CCNB3: variants seen among roughly 807,000 people sequenced by gnomAD.
CCNB3 encodes the protein cyclin B3.
A neutral mutation model predicts 68.0 loss-of-function variants in CCNB3; 12 were observed. The ratio of observed to expected loss-of-function variants is 0.18; its 90% confidence interval spans 0.11 to 0.29. CCNB3 has a LOEUF of 0.29. Among genes scored for constraint, CCNB3 ranks in the 10% least tolerant of loss-of-function variants. The probability of loss-of-function intolerance (pLI) is 1.00; values close to 1 mark genes in which losing one functional copy is unlikely to be tolerated. For synonymous variants in CCNB3, 354 were observed against 388.9 expected, an observed-to-expected ratio of 0.91 and a Z score of 1.06; for missense variants, 904 against 993.1, an observed-to-expected ratio of 0.91 and a Z score of 1.21.
At position 50,310,994 on chromosome X, in the gene CCNB3, A is replaced by T. The variant is rs994400598; in HGVS notation, c.2825A>T (p.Glu942Val). ...ALNEKPTTGK[E>V]LSFKEPLALQ... ...AATGAGAAACCCACCACTGGGAAGG[A>T]GTTGTCCTTCAAGGAGCCATTAGCC... The change falls in exon 6 of 13, where the codon GAG becomes GTG. Residue 942 changes from glutamate (E) to valine (V), a missense_variant. By Grantham distance (121) the Glu-to-Val change is moderately radical. Transcript: ENST00000376042. 5 of 1,209,951 alleles carry T rather than the reference A, an allele frequency of 4.1e-6. No homozygotes were observed. The highest frequency in any genetic ancestry group is 5.6e-6 in the Non-Finnish European group (5 of 895,213).
At chrX:50,327,937 A>C (rs1922380025) in intron 8 of CCNB3, among the ~76,000 whole-genome samples, 1 of 112,252 alleles carries the variant, frequency 8.9e-6, no homozygotes, top group Non-Finnish European at 1.9e-5. Flanking sequence ...AGGATACTTA[A>C]ATATAGAAAA....
intron 1 of CCNB3, among the ~76,000 whole-genome samples, chrX:50,215,236 G>A (rs1294881842): frequency 9.1e-6 from 1 of 109,938 alleles, no homozygotes; most frequent in Non-Finnish European, 1.9e-5. Context: ...TGATCCACCC[G>A]CCTCGGCCTC....
At chrX:50,228,659 A>G (rs1223185895) in intron 1 of CCNB3, among the ~76,000 whole-genome samples, 2 of 69,263 alleles carry the variant, frequency 2.9e-5, no homozygotes, top group South Asian at 7.3e-4. Flanking sequence ...TAGAATATAT[A>G]GAATATATAT....
rs782745549 is a variant in CCNB3 at position 50,308,571 on chromosome X, A to G, written c.402A>G (p.Pro134=). Residue 134 remains proline, a synonymous_variant, in exon 6 of 13, where the codon CCA becomes CCG. Coordinates refer to ENST00000376042, the MANE Select transcript of CCNB3 (RefSeq NM_033031.3). Reference sequence around the variant, plus strand: ...TGGTACCAAACATTATGGAGAAACCACTCATTCTAGACATATCCACCACCT... The same window carrying G: ...TGGTACCAAACATTATGGAGAAACCGCTCATTCTAGACATATCCACCACCT... ...TTVVPNIMEK[P]LILDISTTSK... 7 of 1,207,706 alleles carry G rather than the reference A, an allele frequency of 5.8e-6. No individual in the cohort carries two copies. The highest frequency in any genetic ancestry group is 1.8e-5 in the African/African-American group (1 of 57,022).
chrX:50,351,153 G>C, intron 11 of CCNB3, 88 bp from the exon 12 acceptor site: 1 of 1,031,632 alleles, frequency 9.7e-7, no homozygotes, highest in African/African-American at 1.9e-5. Context: ...TTTAAACCAT[G>C]TGTGGGAAGC....
intron 1 of CCNB3, among the ~76,000 whole-genome samples, chrX:50,213,069 C>A (rs1204098774): frequency 4.5e-5 from 5 of 111,910 alleles, no homozygotes; most frequent in Non-Finnish European, 9.4e-5. Flanking sequence ...CAAAGGCCAA[C>A]CTTTGTAAGC....
chrX:50,226,375 A>C (rs1315962672), intron 1 of CCNB3, among the ~76,000 whole-genome samples: 14 of 25,591 alleles, frequency 5.5e-4, no homozygotes, highest in African/African-American at 2.0e-3. Flanking sequence ...AATATATATA[A>C]AAATATATAT....
At chrX:50,345,531 C>T (rs1923359168) in intron 9 of CCNB3, among the ~76,000 whole-genome samples, 1 of 110,573 alleles carries the variant, frequency 9.0e-6, no homozygotes, top group Non-Finnish European at 1.9e-5. Context: ...CCCAGGCTCC[C>T]TCTTTTTCTT....
intron 8 of CCNB3, among the ~76,000 whole-genome samples, chrX:50,321,503 G>A (rs1922012440): frequency 9.0e-6 from 1 of 111,337 alleles, no homozygotes; most frequent in African/African-American, 3.2e-5. Flanking sequence ...TGATTATCCA[G>A]TTATTCTAAC....
At chrX:50,348,277 T>G (rs1557220673) in intron 11 of CCNB3, among the ~76,000 whole-genome samples, 1 of 112,273 alleles carries the variant, frequency 8.9e-6, no homozygotes, top group Non-Finnish European at 1.9e-5. Context: ...TCTCAAAGCC[T>G]CCTGCTCCAA....
rs181696384 is a variant in CCNB3 at position 50,281,650 on chromosome X, T to C, written c.-112-2892T>C. Among the ~76,000 whole-genome samples, 4 of 110,159 alleles carry C rather than the reference T, an allele frequency of 3.6e-5. No individual in the cohort carries two copies. The East Asian group carries it at 1.1e-3, about 32-fold the overall frequency. On this transcript the variant is annotated intron_variant, in intron 1 of 12. Transcript: ENST00000376042. Reference sequence around the variant, plus strand: ...GGCAGGGGGAGTGTTTGTTAAGGAGTGAGATGGCAAAGCAAATGAGACTGG... The same window carrying C: ...GGCAGGGGGAGTGTTTGTTAAGGAGCGAGATGGCAAAGCAAATGAGACTGG...
intron 8 of CCNB3, among the ~76,000 whole-genome samples, chrX:50,324,862 G>A (rs1557217102): frequency 1.8e-5 from 2 of 110,531 alleles, no homozygotes; most frequent in East Asian, 2.8e-4. Flanking sequence ...TTTCCTCTTC[G>A]ACCCTGTTTT....
chrX:50,299,890 G>C (rs1432513699), intron 5 of CCNB3, among the ~76,000 whole-genome samples: 2 of 111,305 alleles, frequency 1.8e-5, no homozygotes, highest in Admixed American at 9.5e-5. Flanking sequence ...TTATGTAATG[G>C]CCTTCTTTGT....
intron 9 of CCNB3, among the ~76,000 whole-genome samples, chrX:50,345,679 G>A (rs1424406397): frequency 9.0e-6 from 1 of 111,710 alleles, no homozygotes; most frequent in Non-Finnish European, 1.9e-5. Context: ...CCTCTCACAG[G>A]ATTAAGAAGT....
At chrX:50,211,716 T>TAGG (rs1935486076) in intron 1 of CCNB3, among the ~76,000 whole-genome samples, 1 of 110,953 alleles carries the variant, frequency 9.0e-6, no homozygotes, top group Admixed American at 9.6e-5. Context: ...ATGTGGCCAC[T>TAGG]AGGAGATCGC....
chrX:50,297,610 C>T (rs1239173076), intron 5 of CCNB3, among the ~76,000 whole-genome samples: 24 of 111,960 alleles, frequency 2.1e-4, no homozygotes, highest in Middle Eastern at 9.3e-3. Flanking sequence ...CTTGTCAATG[C>T]GGGCTCTTTT....
At position 50,309,732 on chromosome X, in the gene CCNB3, G is replaced by A. The variant is rs868938072; in HGVS notation, c.1563G>A (p.Lys521=). 8.3e-7 allele frequency: 1 copy of A among 1,209,645 alleles called. No homozygotes were observed. The highest frequency in any genetic ancestry group is 1.8e-5 in the South Asian group (1 of 56,539). Residue 521 remains lysine (K), a synonymous_variant, in exon 6 of 13, where the codon AAG becomes AAA. Transcript: ENST00000376042. ...QTTSGEKSLI[K]EPLPFKEEKV... ...CCTCTGGAGAAAAGTCACTTATTAAGGAGCCACTGCCCTTTAAAGAAGAAA... is the reference window on the plus strand; with the variant it reads ...CCTCTGGAGAAAAGTCACTTATTAAAGAGCCACTGCCCTTTAAAGAAGAAA...
Position 50,226,133 on chromosome X carries a change from A to G in CCNB3, c.-113+21183A>G, listed in dbSNP as rs1366889573. 3.8e-5 allele frequency among the ~76,000 whole-genome samples: 3 copies of G among 78,023 alleles called. No individual in the cohort carries two copies. The East Asian group carries it at 1.1e-3, about 30-fold the overall frequency. 67.8% of individuals were successfully genotyped at this position (78,023 alleles called of 115,157 possible). On this transcript the variant is annotated intron_variant, in intron 1 of 12. Transcript: ENST00000376042. Reference sequence around the variant, plus strand: ...ATAAATATATATATATTCGATATATATAAATATATATTCTATATATATGAA... The same window carrying G: ...ATAAATATATATATATTCGATATATGTAAATATATATTCTATATATATGAA...
At chrX:50,280,061 A>T (rs1383024308) in intron 1 of CCNB3, among the ~76,000 whole-genome samples, 1 of 89,159 alleles carries the variant, frequency 1.1e-5, no homozygotes, top group Non-Finnish European at 2.1e-5. Context: ...ATAAATATAT[A>T]TGGAATATAT....
Sources: gnomAD v4.1 joint callset for allele counts (sites outside exome capture counted in the v4.1 genomes callset) on GRCh38, gnomAD v4.1.1 for gene constraint, MANE v1.5 for transcripts, NCBI Gene and HGNC (gene_info 2026-07-23, HGNC 2026-07-21) for gene names.